CDH18: variants seen among roughly 807,000 people sequenced by gnomAD.
CDH18 encodes cadherin-18.
Under a neutral mutation model 67.9 loss-of-function variants are expected in CDH18, and 31 were observed. The ratio of observed to expected loss-of-function variants is 0.46; its 90% CI spans 0.34 to 0.62. The LOEUF (loss-of-function observed/expected upper bound fraction) is 0.62. Ranked by LOEUF, CDH18 falls within the 20% of genes least tolerant of loss-of-function variation. The pLI, the probability that CDH18 is intolerant of heterozygous loss-of-function variation, is 0.01. For synonymous variants in CDH18, 362 were observed against 347.2 expected (o/e 1.04, Z -0.48); for missense variants, 890 against 975.5 (o/e 0.91, Z 1.17).
intron 3 of CDH18, among the ~76,000 whole-genome samples, chr5:19,836,638 A>G (rs1450518799): frequency 2.6e-5 from 4 of 152,110 alleles, no homozygotes; most frequent in Non-Finnish European, 5.9e-5. Flanking sequence ...CTCTGATGAT[A>G]GCTTCTTTTG....
chr5:20,053,468 C>T (rs1741623044), intron 2 of CDH18, among the ~76,000 whole-genome samples: 1 of 151,928 alleles, frequency 6.6e-6, no homozygotes, highest in Admixed American at 6.6e-5. Flanking sequence ...CCAAAATACT[C>T]TCCCCATCTC....
At chr5:20,060,026 A>G (rs558748708) in intron 2 of CDH18, among the ~76,000 whole-genome samples, 9 of 152,258 alleles carry the variant, frequency 5.9e-5, no homozygotes, top group African/African-American at 2.2e-4. Context: ...CCTAATGTAG[A>G]TGGTGGATTG....
intron 1 of CDH18, among the ~76,000 whole-genome samples, chr5:20,256,314 T>C (rs1011586440): frequency 1.3e-5 from 2 of 152,068 alleles, no homozygotes; most frequent in African/African-American, 2.4e-5. Flanking sequence ...AGCATAAGAA[T>C]TATGCTTATT....
intron 2 of CDH18, among the ~76,000 whole-genome samples, chr5:19,845,853 AAT>A (rs34342467): frequency 6.6e-6 from 1 of 151,016 alleles, no homozygotes; most frequent in African/African-American, 2.4e-5. Flanking sequence ...ATTTGCATGG[AAT>A]ATATATATAT....
chr5:20,180,592 G>T (rs1737608181), intron 2 of CDH18, among the ~76,000 whole-genome samples: 1 of 152,098 alleles, frequency 6.6e-6, no homozygotes, highest in Non-Finnish European at 1.5e-5. Context: ...TTATGTTAAA[G>T]AATTACTTCA....
intron 9 of CDH18, among the ~76,000 whole-genome samples, chr5:19,543,422 T>C (rs1248403820): frequency 2.6e-5 from 4 of 152,134 alleles, no homozygotes. Context: ...TTACTGTAAG[T>C]TCTATAAGTG....
chr5:19,528,978 TA>T (rs1022574260), intron 9 of CDH18, among the ~76,000 whole-genome samples: 69 of 148,964 alleles, frequency 4.6e-4, no homozygotes, highest in African/African-American at 1.3e-3. Flanking sequence ...AAATAGAACT[TA>T]AAAAAAAAAT....
At chr5:20,371,009 C>T (rs575005401) in intron 1 of CDH18, among the ~76,000 whole-genome samples, 3 of 150,244 alleles carry the variant, frequency 2.0e-5, no homozygotes, top group African/African-American at 7.4e-5. Flanking sequence ...TGCACTCCAC[C>T]CTGGGCGACA....
At chr5:20,451,153 A>G (rs1240073925) in intron 1 of CDH18, among the ~76,000 whole-genome samples, 1 of 152,342 alleles carries the variant, frequency 6.6e-6, no homozygotes, top group East Asian at 1.9e-4. Flanking sequence ...TTCTAATAGT[A>G]ACATTTCTTA....
chr5:20,098,713 G>A (rs1283861989), intron 2 of CDH18, among the ~76,000 whole-genome samples: 1 of 151,932 alleles, frequency 6.6e-6, no homozygotes, highest in South Asian at 2.1e-4. Flanking sequence ...AATACAAATA[G>A]AGAAACCCTT....
At chr5:20,047,714 C>A (rs375668844) in intron 2 of CDH18, among the ~76,000 whole-genome samples, 3 of 151,730 alleles carry the variant, frequency 2.0e-5, no homozygotes, top group East Asian at 3.9e-4. Context: ...ACAAGTATCA[C>A]CCAGAAAATA....
intron 2 of CDH18, among the ~76,000 whole-genome samples, chr5:19,843,208 C>T (rs1782538463): frequency 6.6e-6 from 1 of 152,162 alleles, no homozygotes; most frequent in South Asian, 2.1e-4. Flanking sequence ...GGCCCAGAGT[C>T]CTAGGCGGGA....
intron 8 of CDH18, 99 bp downstream of exon 8, chr5:19,571,480 G>C: frequency 9.4e-7 from 1 of 1,065,014 alleles, no homozygotes; most frequent in Non-Finnish European, 1.3e-6. Flanking sequence ...AGAAAACAAC[G>C]TAGAAATAAA....
At chr5:19,975,457 C>T (rs1051039768) in intron 2 of CDH18, among the ~76,000 whole-genome samples, 3 of 151,974 alleles carry the variant, frequency 2.0e-5, no homozygotes, top group African/African-American at 7.2e-5. Context: ...TTGTGTACTA[C>T]CAAAATATCT....
At chr5:20,121,029 C>T (rs527485959) in intron 2 of CDH18, among the ~76,000 whole-genome samples, 21 of 152,038 alleles carry the variant, frequency 1.4e-4, no homozygotes, top group Admixed American at 3.3e-4. Context: ...AGGAAAATTG[C>T]GCATCCCATG....
intron 1 of CDH18, among the ~76,000 whole-genome samples, chr5:20,294,206 A>T (rs2974596): frequency 0.46 from 69,988 of 151,612 alleles, 16,269 homozygotes; most frequent in South Asian, 0.54. Context: ...CATCCTCTTA[A>T]TTACCCAAAG....
chr5:19,926,132 G>T lies in CDH18; in HGVS notation c.-257+54928C>A, dbSNP rs542136953. 3.3e-5 allele frequency among the ~76,000 whole-genome samples: 5 copies of T among 151,834 alleles called. No individual in the cohort carries two copies. The South Asian group carries it at 1.0e-3, about 32-fold the overall frequency. On this transcript the variant is annotated intron_variant, in intron 2 of 12. Transcript: ENST00000382275. ...GCAAATCTCTAAAAATTTGTTCCATGTATTTATTGAAAAAAATTGCATATA... is the reference window on the plus strand; with the variant it reads ...GCAAATCTCTAAAAATTTGTTCCATTTATTTATTGAAAAAAATTGCATATA...
rs572168680 is a variant in CDH18, at chr5:20,137,017, C to T, written c.-518+118427G>A. 3.1e-3 allele frequency among the ~76,000 whole-genome samples: 470 copies of T among 149,390 alleles called. 2 individuals carry two copies. The highest frequency in any genetic ancestry group is 0.011 in the African/African-American group (442 of 41,184). ...CCCAACGTTTCTCTCTGGTTGACCT[C>T]TTTCCTTCATTTCAACTTTGGTGAA... On this transcript the variant is annotated intron_variant, in intron 2 of 14. Coordinates refer to the CDH18 transcript ENST00000507958.
At chr5:19,732,891 G>A (rs769790813) in intron 4 of CDH18, among the ~76,000 whole-genome samples, 7 of 152,004 alleles carry the variant, frequency 4.6e-5, no homozygotes, top group South Asian at 2.1e-4. Flanking sequence ...TCACCTACAG[G>A]CTGTCAAACT....
Sources: gnomAD v4.1 joint callset for allele counts (sites outside exome capture counted in the v4.1 genomes callset) on GRCh38, gnomAD v4.1.1 for gene constraint, MANE v1.5 for transcripts, NCBI Gene and HGNC (gene_info 2026-07-23, HGNC 2026-07-21) for gene names.